The following ANKS1B variants were observed in gnomAD, a reference collection of about 807,000 sequenced individuals.
The protein encoded by ANKS1B is ankyrin repeat and sterile alpha motif domain containing 1B.
Under a neutral mutation model 148.3 loss-of-function variants are expected in ANKS1B, and 36 were observed. The observed-to-expected ratio is 0.24, with a 90% CI of 0.19 to 0.32. The LOEUF (loss-of-function observed/expected upper bound fraction) is 0.32, where lower values mean the gene tolerates loss of function less well. Among genes scored for constraint, ANKS1B ranks in the 10% least tolerant of loss-of-function variants. The pLI is 1.00. For synonymous variants in ANKS1B, 542 were observed against 560.8 expected, an observed-to-expected ratio of 0.97 and a Z score of 0.47; for missense variants, 1,157 against 1,542.6, an observed-to-expected ratio of 0.75 and a Z score of 4.19.
chr12:99,261,837 T>C (rs1379063758), intron 12 of ANKS1B, among the ~76,000 whole-genome samples: 1 of 152,112 alleles, frequency 6.6e-6, no homozygotes, highest in East Asian at 1.9e-4. Context: ...CAATGGCACC[T>C]TGATCCACTC....
At chr12:98,808,416 C>T (rs879089502) in intron 19 of ANKS1B, among the ~76,000 whole-genome samples, 1 of 152,122 alleles carries the variant, frequency 6.6e-6, no homozygotes, top group South Asian at 2.1e-4. Flanking sequence ...ATATTTATGC[C>T]TCCAGAGTTC....
intron 17 of ANKS1B, among the ~76,000 whole-genome samples, chr12:98,912,654 T>C (rs188820367): frequency 3.5e-4 from 53 of 152,330 alleles, no homozygotes; most frequent in Admixed American, 1.9e-3. Flanking sequence ...TAAATATTTG[T>C]CTGTTTGATG....
At chr12:99,284,792 T>C (rs1247860147) in intron 12 of ANKS1B, among the ~76,000 whole-genome samples, 1 of 152,182 alleles carries the variant, frequency 6.6e-6, no homozygotes, top group Non-Finnish European at 1.5e-5. Flanking sequence ...CCCTGTGGTC[T>C]TTAAGGTTTT....
intron 12 of ANKS1B, among the ~76,000 whole-genome samples, chr12:99,386,632 G>A (rs947907196): frequency 7.9e-5 from 12 of 152,196 alleles, no homozygotes; most frequent in Non-Finnish European, 1.8e-4. Context: ...TACATTATTA[G>A]ATACATGGCT....
At chr12:99,138,513 AC>A in intron 15 of ANKS1B, among the ~76,000 whole-genome samples, 1 of 152,200 alleles carries the variant, frequency 6.6e-6, no homozygotes, top group Middle Eastern at 3.4e-3. Flanking sequence ...TTCCATACTC[AC>A]CCGCCTTTGC....
At chr12:99,217,129 A>G (rs2084331262) in intron 14 of ANKS1B, among the ~76,000 whole-genome samples, 1 of 152,158 alleles carries the variant, frequency 6.6e-6, no homozygotes, top group African/African-American at 2.4e-5. Context: ...AGAGATAAGC[A>G]AATTTTTATC....
At chr12:99,308,882 C>G (rs1277640221) in intron 12 of ANKS1B, among the ~76,000 whole-genome samples, 1 of 149,174 alleles carries the variant, frequency 6.7e-6, no homozygotes, top group East Asian at 1.9e-4. Context: ...AGGAAGAATA[C>G]TATATTTGTA....
chr12:98,931,907 C>A (rs2099813967), intron 17 of ANKS1B, among the ~76,000 whole-genome samples: 1 of 152,106 alleles, frequency 6.6e-6, no homozygotes, highest in South Asian at 2.1e-4. Flanking sequence ...TTACTCAGAG[C>A]CTTCTCTGGA....
chr12:99,779,636 T>C (rs1312157818), intron 6 of ANKS1B, among the ~76,000 whole-genome samples: 2 of 152,166 alleles, frequency 1.3e-5, no homozygotes, highest in East Asian at 3.8e-4. Context: ...ATATTTCTAT[T>C]ATCAAATGAG....
chr12:99,245,932 A>G (rs1566724197), intron 13 of ANKS1B, among the ~76,000 whole-genome samples: 1 of 152,184 alleles, frequency 6.6e-6, no homozygotes, highest in Non-Finnish European at 1.5e-5. Flanking sequence ...AAGTAGCAAA[A>G]CAACACAGAG....
chr12:98,989,050 C>A (rs2153274884), intron 17 of ANKS1B, among the ~76,000 whole-genome samples: 1 of 152,222 alleles, frequency 6.6e-6, no homozygotes, highest in Middle Eastern at 3.4e-3. Context: ...TTTTCTCACA[C>A]TCTGTAGGTT....
At chr12:99,169,926 T>C (rs2077573289) in intron 14 of ANKS1B, among the ~76,000 whole-genome samples, 1 of 152,136 alleles carries the variant, frequency 6.6e-6, no homozygotes, top group South Asian at 2.1e-4. Context: ...GATGGGAAAC[T>C]TGTCCTTTTG....
At chr12:99,649,994 C>T (rs2098407435) in intron 9 of ANKS1B, 1 of 152,690 alleles carries the variant, frequency 6.5e-6, no homozygotes, top group African/African-American at 2.4e-5. Flanking sequence ...GACATCTCAC[C>T]TAAGACTGTG....
intron 13 of ANKS1B, among the ~76,000 whole-genome samples, chr12:99,244,795 T>C (rs993777391): frequency 5.9e-5 from 9 of 152,168 alleles, no homozygotes; most frequent in Admixed American, 2.0e-4. Context: ...AGAACATGCA[T>C]CCCATCTAAC....
At chr12:99,681,528 T>C (rs559761539) in intron 8 of ANKS1B, among the ~76,000 whole-genome samples, 1 of 152,094 alleles carries the variant, frequency 6.6e-6, no homozygotes, top group South Asian at 2.1e-4. Flanking sequence ...TTGCAGACAC[T>C]CCCCAGTACC....
intron 8 of ANKS1B, among the ~76,000 whole-genome samples, chr12:99,744,707 TCAGGC>T (rs1201670341): frequency 2.0e-5 from 3 of 152,088 alleles, no homozygotes; most frequent in African/African-American, 7.2e-5. Flanking sequence ...AAAAGATACT[TCAGGC>T]CAGGTGCGGT....
At chr12:98,887,879 CTAGGAT>C (rs1211238955) in intron 17 of ANKS1B, among the ~76,000 whole-genome samples, 2 of 152,286 alleles carry the variant, frequency 1.3e-5, no homozygotes, top group East Asian at 3.9e-4. Flanking sequence ...TCCCAAAGTG[CTAGGAT>C]TACGGGCATG....
chr12:99,127,663 G>A (rs1375600763), intron 15 of ANKS1B, among the ~76,000 whole-genome samples: 1 of 152,188 alleles, frequency 6.6e-6, no homozygotes, highest in Non-Finnish European at 1.5e-5. Flanking sequence ...GCTGCACCAA[G>A]GGCCGTGTAG....
At chr12:99,715,597 T>C (rs1441943325) in intron 8 of ANKS1B, among the ~76,000 whole-genome samples, 3 of 152,154 alleles carry the variant, frequency 2.0e-5, no homozygotes, top group Non-Finnish European at 1.5e-5. Flanking sequence ...TGAAATTTGG[T>C]GCCGTGACTC....
Sources: gnomAD v4.1 joint callset for allele counts (sites outside exome capture counted in the v4.1 genomes callset) on GRCh38, gnomAD v4.1.1 for gene constraint, MANE v1.5 for transcripts, NCBI Gene and HGNC (gene_info 2026-07-23, HGNC 2026-07-21) for gene names.